The following MORC1 variants were observed in gnomAD, a reference collection of about 807,000 sequenced individuals.
MORC1 encodes MORC family CW-type zinc finger 1, also known as MORC family CW-type zinc finger protein 1.
A neutral mutation model predicts 134.9 loss-of-function variants in MORC1; 59 were observed. The observed-to-expected ratio is 0.44, with a 90% CI of 0.35 to 0.54. The LOEUF (loss-of-function observed/expected upper bound fraction) is 0.54, where lower values mean the gene tolerates loss of function less well. Ranked by LOEUF, MORC1 falls within the 20% of genes least tolerant of loss-of-function variation. The pLI is 0.00. For synonymous variants in MORC1, 395 were observed against 391.7 expected (o/e 1.01, Z -0.10); for missense variants, 947 against 1,134.5 (o/e 0.83, Z 2.37).
chr3:109,040,404 G>A (rs200988843), intron 14 of MORC1, among the ~76,000 whole-genome samples: 2 of 6,876 alleles, frequency 2.9e-4, no homozygotes, highest in South Asian at 9.8e-3. Flanking sequence ...GAAAGAAAGA[G>A]AAGGAAGGAA....
chr3:109,086,167 C>CA (rs1341555152), intron 8 of MORC1, among the ~76,000 whole-genome samples: 1 of 151,838 alleles, frequency 6.6e-6, no homozygotes, highest in African/African-American at 2.4e-5. Flanking sequence ...ACCTACTGTT[C>CA]AACAGATCAA....
At chr3:108,993,079 A>T (rs1948111342) in intron 21 of MORC1, among the ~76,000 whole-genome samples, 1 of 152,164 alleles carries the variant, frequency 6.6e-6, no homozygotes, top group African/African-American at 2.4e-5. Flanking sequence ...GACAAACCTC[A>T]TGGAGGTCTG....
chr3:108,969,626 G>A (rs1204422806), intron 26 of MORC1, 43 bp downstream of exon 26: 1 of 1,540,116 alleles, frequency 6.5e-7, no homozygotes, highest in Admixed American at 1.7e-5. Flanking sequence ...TTCGAACACA[G>A]GATCATTTAG....
At chr3:109,087,882 T>C (rs756952874) in intron 8 of MORC1, among the ~76,000 whole-genome samples, 7 of 151,814 alleles carry the variant, frequency 4.6e-5, no homozygotes, top group Non-Finnish European at 1.0e-4. Flanking sequence ...AACAGACACA[T>C]AGATCAATGA....
At chr3:109,028,972 G>A (rs879711076) in intron 16 of MORC1, among the ~76,000 whole-genome samples, 2 of 152,162 alleles carry the variant, frequency 1.3e-5, no homozygotes, top group Non-Finnish European at 2.9e-5. Flanking sequence ...AAAGTCCACA[G>A]AAAATACATG....
intron 17 of MORC1, among the ~76,000 whole-genome samples, chr3:109,025,545 C>A (rs1420468483): frequency 6.6e-6 from 1 of 151,976 alleles, no homozygotes; most frequent in African/African-American, 2.4e-5. Context: ...CCACACCCAG[C>A]TAATTTTTTG....
intron 14 of MORC1, among the ~76,000 whole-genome samples, chr3:109,049,663 G>T (rs537810076): frequency 9.1e-4 from 139 of 152,268 alleles, no homozygotes; most frequent in African/African-American, 3.2e-3. Context: ...AATAAGAAAA[G>T]AGAGGTATGG....
intron 21 of MORC1, 141 bp from the exon 22 acceptor site, chr3:108,987,090 AG>A (rs1947914062): frequency 2.0e-6 from 1 of 512,614 alleles, no homozygotes; most frequent in Non-Finnish European, 3.4e-6. Flanking sequence ...CTTTTTATAA[AG>A]GGAACAAATG....
intron 6 of MORC1, among the ~76,000 whole-genome samples, chr3:109,096,257 AG>A (rs1266861204): frequency 6.6e-6 from 1 of 152,170 alleles, no homozygotes; most frequent in African/African-American, 2.4e-5. Context: ...CATCTTGAAC[AG>A]GGGCTGGGTC....
chr3:109,008,200 T>C (rs1241698249), intron 17 of MORC1, among the ~76,000 whole-genome samples: 1 of 152,174 alleles, frequency 6.6e-6, no homozygotes, highest in African/African-American at 2.4e-5. Flanking sequence ...ATCTTCTCAA[T>C]CTTTTACTAT....
At chr3:109,054,197 C>T (rs1949899218) in intron 14 of MORC1, among the ~76,000 whole-genome samples, 1 of 151,496 alleles carries the variant, frequency 6.6e-6, no homozygotes, top group African/African-American at 2.4e-5. Flanking sequence ...CAGAGAATTG[C>T]TTGAACCAGG....
At chr3:109,086,546 T>C (rs1277901322) in intron 8 of MORC1, among the ~76,000 whole-genome samples, 3 of 152,038 alleles carry the variant, frequency 2.0e-5, no homozygotes, top group African/African-American at 4.8e-5. Context: ...TACCTTGGTT[T>C]CGCAAAACGC....
chr3:109,034,767 G>C (rs1949334949), intron 15 of MORC1, among the ~76,000 whole-genome samples: 1 of 151,328 alleles, frequency 6.6e-6, no homozygotes, highest in Non-Finnish European at 1.5e-5. Context: ...TTATTTTTTT[G>C]AGACAGGGAC....
intron 8 of MORC1, among the ~76,000 whole-genome samples, chr3:109,075,404 C>G (rs1363535476): frequency 1.3e-5 from 2 of 152,082 alleles, no homozygotes; most frequent in African/African-American, 2.4e-5. Context: ...ATGGTATTGC[C>G]TAGGTTTTCC....
At chr3:109,009,563 A>C (rs1228653064) in intron 17 of MORC1, among the ~76,000 whole-genome samples, 1 of 152,176 alleles carries the variant, frequency 6.6e-6, no homozygotes, top group Non-Finnish European at 1.5e-5. Context: ...AATTTGGTGA[A>C]TATAAAAGTC....
intron 9 of MORC1, among the ~76,000 whole-genome samples, chr3:109,066,321 A>C (rs1950195198): frequency 6.7e-6 from 1 of 148,774 alleles, no homozygotes; most frequent in African/African-American, 2.5e-5. Flanking sequence ...AGTTTCACTC[A>C]GTCGCCCAGG....
At chr3:109,014,937 G>C (rs1426312339) in intron 17 of MORC1, among the ~76,000 whole-genome samples, 1 of 152,116 alleles carries the variant, frequency 6.6e-6, no homozygotes, top group Non-Finnish European at 1.5e-5. Flanking sequence ...CCAGGCTGGA[G>C]TGCAGTGGCG....
chr3:109,095,633 T>G (rs1380360449), intron 6 of MORC1, among the ~76,000 whole-genome samples: 3 of 152,198 alleles, frequency 2.0e-5, no homozygotes, highest in Non-Finnish European at 4.4e-5. Context: ...TACCAGGCAC[T>G]GCTCTTGTGG....
intron 8 of MORC1, among the ~76,000 whole-genome samples, chr3:109,080,744 G>A (rs1026386431): frequency 3.3e-5 from 5 of 152,062 alleles, no homozygotes; most frequent in African/African-American, 7.2e-5. Flanking sequence ...TGCAAGAATA[G>A]CAAATAATGA....
Sources: gnomAD v4.1 joint callset for allele counts (sites outside exome capture counted in the v4.1 genomes callset) on GRCh38, gnomAD v4.1.1 for gene constraint, MANE v1.5 for transcripts, NCBI Gene and HGNC (gene_info 2026-07-23, HGNC 2026-07-21) for gene names.